Variants in SEMA6D observed in about 807,000 individuals in gnomAD.
SEMA6D encodes the protein semaphorin-6D.
SEMA6D carries 35 observed loss-of-function variants against 106.6 expected under a neutral mutation model. The ratio of observed to expected loss-of-function variants is 0.33; its 90% confidence interval spans 0.25 to 0.44. The LOEUF (loss-of-function observed/expected upper bound fraction) is 0.44. Among genes scored for constraint, SEMA6D ranks in the 20% least tolerant of loss-of-function variants. SEMA6D has a pLI of 1.00. For synonymous variants in SEMA6D, 499 were observed against 487.7 expected, an observed-to-expected ratio of 1.02 and a Z score of -0.31; for missense variants, 1,185 against 1,345.9, an observed-to-expected ratio of 0.88 and a Z score of 1.87.
At chr15:47,289,277 C>G (rs2035498769) in intron 1 of SEMA6D, among the ~76,000 whole-genome samples, 1 of 151,446 alleles carries the variant, frequency 6.6e-6, no homozygotes, top group Non-Finnish European at 1.5e-5. Flanking sequence ...ACCTGTAATC[C>G]CAGCTACTCA....
intron 1 of SEMA6D, among the ~76,000 whole-genome samples, chr15:47,299,442 A>G (rs1301544751): frequency 7.2e-5 from 11 of 152,186 alleles, no homozygotes. Context: ...ATTCAGTGTA[A>G]TTTTGGATTC....
At chr15:47,694,332 C>A (rs946071189) in intron 4 of SEMA6D, among the ~76,000 whole-genome samples, 2 of 151,996 alleles carry the variant, frequency 1.3e-5, no homozygotes, top group Non-Finnish European at 2.9e-5. Context: ...AGTATATGTG[C>A]AAAAAGTCTA....
chr15:47,719,494 A>G (rs2146271014), intron 1 of SEMA6D, among the ~76,000 whole-genome samples: 1 of 152,320 alleles, frequency 6.6e-6, no homozygotes, highest in East Asian at 1.9e-4. Context: ...TAAGTCTGTA[A>G]TAAAAATTAT....
intron 1 of SEMA6D, among the ~76,000 whole-genome samples, chr15:47,375,010 T>C (rs1353369136): frequency 6.6e-6 from 1 of 152,230 alleles, no homozygotes; most frequent in East Asian, 1.9e-4. Context: ...ACTTCATAAC[T>C]TTTCACCTCT....
intron 3 of SEMA6D, among the ~76,000 whole-genome samples, chr15:47,520,681 C>CAA (rs2044544851): frequency 6.6e-6 from 1 of 152,208 alleles, no homozygotes; most frequent in South Asian, 2.1e-4. Flanking sequence ...CCACAAATGT[C>CAA]AGAGCCATGA....
intron 1 of SEMA6D, among the ~76,000 whole-genome samples, chr15:47,285,697 G>A (rs1329419389): frequency 6.6e-6 from 1 of 152,152 alleles, no homozygotes; most frequent in African/African-American, 2.4e-5. Context: ...TTACTGTGAG[G>A]AATGAAATTG....
At chr15:47,517,159 C>A (rs1275038164) in intron 3 of SEMA6D, among the ~76,000 whole-genome samples, 2 of 152,144 alleles carry the variant, frequency 1.3e-5, no homozygotes, top group African/African-American at 2.4e-5. Context: ...ACTCTTAGGA[C>A]TTCAGGGGAA....
rs538275393 is a variant in SEMA6D at position 47,453,361 on chromosome 15, G to T, written c.-158-17113G>T. 1.2e-4 allele frequency among the ~76,000 whole-genome samples: 18 copies of T among 151,392 alleles called. No individual in the cohort carries two copies. The East Asian group carries it at 3.5e-3, about 29-fold the overall frequency. Reference sequence around the variant, plus strand: ...TTTCTATCGCTTAAAGAACAGATATGAAAAAAGTAAATCAACAATGCTAAA... The same window carrying T: ...TTTCTATCGCTTAAAGAACAGATATTAAAAAAGTAAATCAACAATGCTAAA... On this transcript the variant is annotated intron_variant, in intron 2 of 19. Coordinates refer to the SEMA6D transcript ENST00000558014.
intron 4 of SEMA6D, among the ~76,000 whole-genome samples, chr15:47,706,806 C>A (rs977771878): frequency 2.0e-5 from 3 of 148,142 alleles, no homozygotes; most frequent in South Asian, 2.1e-4. Flanking sequence ...AATGAAGGAA[C>A]AAATCACCAT....
intron 1 of SEMA6D, among the ~76,000 whole-genome samples, chr15:47,257,616 T>C (rs1018271607): frequency 1.3e-5 from 2 of 152,198 alleles, no homozygotes; most frequent in African/African-American, 4.8e-5. Context: ...TCTAGTTTGA[T>C]TCCATTAAGG....
chr15:47,631,579 A>G (rs894303003), intron 4 of SEMA6D, among the ~76,000 whole-genome samples: 1 of 151,898 alleles, frequency 6.6e-6, no homozygotes, highest in African/African-American at 2.4e-5. Context: ...AAGTGTCTTC[A>G]TAATAGGAAG....
chr15:47,698,713 G>C (rs1389969981), intron 4 of SEMA6D, among the ~76,000 whole-genome samples: 1 of 151,940 alleles, frequency 6.6e-6, no homozygotes, highest in Admixed American at 6.6e-5. Context: ...CTAAACCCAG[G>C]GCAGGCATAA....
chr15:47,762,143 C>G (rs2082092021), intron 7 of SEMA6D, 57 bp from the exon 8 acceptor site: 10 of 1,607,164 alleles, frequency 6.2e-6, no homozygotes, highest in Non-Finnish European at 7.7e-6. Context: ...GCTGCCAAAG[C>G]TAACACACTG....
intron 4 of SEMA6D, among the ~76,000 whole-genome samples, chr15:47,656,123 ATG>A (rs2077788396): frequency 6.6e-6 from 1 of 152,368 alleles, no homozygotes; most frequent in Admixed American, 6.5e-5. Flanking sequence ...TGGAGAAAAT[ATG>A]TGTGTTAGAT....
At chr15:47,434,938 TC>T (rs1208396510) in intron 2 of SEMA6D, among the ~76,000 whole-genome samples, 8 of 152,002 alleles carry the variant, frequency 5.3e-5, no homozygotes, top group African/African-American at 1.9e-4. Context: ...CAACACACAC[TC>T]ACATACACAC....
intron 3 of SEMA6D, among the ~76,000 whole-genome samples, chr15:47,587,714 C>T (rs1176922805): frequency 6.6e-6 from 1 of 152,028 alleles, no homozygotes; most frequent in Non-Finnish European, 1.5e-5. Flanking sequence ...TCCAGTAAAA[C>T]TTTATTTATA....
chr15:47,331,562 TCAAA>T (rs967792340), intron 1 of SEMA6D, among the ~76,000 whole-genome samples: 2 of 151,962 alleles, frequency 1.3e-5, no homozygotes, highest in African/African-American at 4.8e-5. Flanking sequence ...TATCATTTTT[TCAAA>T]CAAAGCATAG....
intron 1 of SEMA6D, chr15:47,380,643 G>A (rs2039609311): frequency 6.6e-6 from 1 of 152,094 alleles, no homozygotes; most frequent in Non-Finnish European, 1.5e-5. Context: ...ATACACAAGC[G>A]ACTGCTAGAA....
intron 3 of SEMA6D, among the ~76,000 whole-genome samples, chr15:47,485,126 C>T (rs2043260308): frequency 6.6e-6 from 1 of 152,112 alleles, no homozygotes; most frequent in African/African-American, 2.4e-5. Context: ...AGGAGATTCA[C>T]CAATTTCTTA....
Sources: allele counts gnomAD v4.1 joint callset (sites outside exome capture counted in the v4.1 genomes callset), GRCh38; gene constraint gnomAD v4.1.1; transcripts MANE v1.5; gene names NCBI Gene and HGNC (gene_info 2026-07-23, HGNC 2026-07-21).